The following VRK2 variants were observed in gnomAD, a reference collection of about 807,000 sequenced individuals.
The protein encoded by VRK2 is serine/threonine-protein kinase VRK2.
VRK2 carries 60 observed loss-of-function variants against 57.6 expected under a neutral mutation model. The observed-to-expected ratio is 1.04, with a 90% CI of 0.85 to 1.29. The LOEUF is 1.29. Among genes scored for constraint, VRK2 ranks in the 50% most tolerant of loss-of-function variants. VRK2 has a pLI of 0.00. For synonymous variants in VRK2, 231 were observed against 199.2 expected (o/e 1.16, Z -1.35); for missense variants, 705 against 588.1 (o/e 1.20, Z -2.06).
At chr2:57,977,909 T>A (rs748607406) in intron 1 of VRK2, among the ~76,000 whole-genome samples, 8 of 151,100 alleles carry the variant, frequency 5.3e-5, no homozygotes, top group Non-Finnish European at 8.8e-5. Flanking sequence ...ACTAGTTTGT[T>A]GAGGGTATTT....
At chr2:58,118,638 C>T (rs889541922) in intron 7 of VRK2, among the ~76,000 whole-genome samples, 7 of 152,130 alleles carry the variant, frequency 4.6e-5, no homozygotes, top group African/African-American at 1.7e-4. Flanking sequence ...GAGCAAAGAG[C>T]AGGAGGACAG....
chr2:57,990,621 T>C (rs906558308), intron 1 of VRK2, among the ~76,000 whole-genome samples: 6 of 152,176 alleles, frequency 3.9e-5, no homozygotes, highest in Admixed American at 6.5e-5. Flanking sequence ...AGTGTTACAG[T>C]AGAGCTCACA....
In VRK2 at chr2:58,105,399, T is replaced by C. The variant is rs529306692; in HGVS notation, c.543+15676T>C. Among the ~76,000 whole-genome samples, 175 of 151,814 alleles carry C rather than the reference T, an allele frequency of 1.2e-3. 1 individual carries two copies. Among genetic ancestry groups the C allele is most frequent in the African/African-American group, 4.0e-3 (164 of 41,470 alleles). ...GATGGGCAAAAGACATGAACAGATA[T>C]TGTTTAAAATAAGACATAAAAATAG... On this transcript the variant is annotated intron_variant, in intron 7 of 12. Transcript: ENST00000340157.
intron 1 of VRK2, among the ~76,000 whole-genome samples, chr2:58,008,834 A>G (rs1256261989): frequency 6.6e-6 from 1 of 152,136 alleles, no homozygotes; most frequent in Non-Finnish European, 1.5e-5. Context: ...AGAAGAACAC[A>G]GATTTATTTT....
At chr2:58,031,733 A>G (rs1572804797) in intron 2 of VRK2, among the ~76,000 whole-genome samples, 2 of 152,188 alleles carry the variant, frequency 1.3e-5, no homozygotes, top group East Asian at 1.9e-4. Context: ...TTGTTCTCAT[A>G]GCTACCTCTG....
intron 1 of VRK2, among the ~76,000 whole-genome samples, chr2:57,975,783 G>C (rs1424212379): frequency 6.7e-6 from 1 of 149,374 alleles, no homozygotes; most frequent in East Asian, 1.9e-4. Context: ...TTTTATTTTT[G>C]GTTCAGTTGG....
chr2:58,123,955 T>G (rs550857065), intron 8 of VRK2, among the ~76,000 whole-genome samples: 1 of 152,354 alleles, frequency 6.6e-6, no homozygotes, highest in South Asian at 2.1e-4. Context: ...AAGGTTATTT[T>G]TTCTGAAACC....
upstream of VRK2, among the ~76,000 whole-genome samples, chr2:58,041,997 C>G (rs1674477562): frequency 6.6e-6 from 1 of 152,046 alleles, no homozygotes; most frequent in African/African-American, 2.4e-5. Context: ...TTCTGTCTCC[C>G]TAAAACATAC....
At chr2:57,994,436 A>C (rs1672862900) in intron 1 of VRK2, among the ~76,000 whole-genome samples, 2 of 152,202 alleles carry the variant, frequency 1.3e-5, no homozygotes, top group Non-Finnish European at 2.9e-5. Context: ...TGGGGACCTA[A>C]AACATCTACT....
chr2:58,055,736 G>A (rs1043070643), intron 2 of VRK2, among the ~76,000 whole-genome samples: 2 of 152,176 alleles, frequency 1.3e-5, no homozygotes, highest in Non-Finnish European at 2.9e-5. Flanking sequence ...ATGAGCTGAT[G>A]AAGCTTCACA....
chr2:57,926,443 G>T (rs1469050449), intron 1 of VRK2, among the ~76,000 whole-genome samples: 1 of 19,874 alleles, frequency 5.0e-5, no homozygotes, highest in Non-Finnish European at 9.4e-5. Flanking sequence ...ATATATATGT[G>T]TGTGTGTGTG....
At chr2:57,939,966 ATTGTACCT>A (rs1671040036) in intron 1 of VRK2, among the ~76,000 whole-genome samples, 1 of 152,186 alleles carries the variant, frequency 6.6e-6, no homozygotes, top group African/African-American at 2.4e-5. Flanking sequence ...AGATATTGAG[ATTGTACCT>A]TTTTTAATAT....
chr2:58,131,661 G>C, intron 8 of VRK2, 147 bp from the exon 9 acceptor site: 3 of 1,012,108 alleles, frequency 3.0e-6, no homozygotes, highest in Non-Finnish European at 4.1e-6. Context: ...ATGCTTGGGC[G>C]TTTAAGTTTT....
intron 1 of VRK2, chr2:57,907,988 T>C (rs929581122): frequency 6.6e-6 from 1 of 152,134 alleles, no homozygotes; most frequent in Non-Finnish European, 1.5e-5. Context: ...CAATACAGGC[T>C]CTAAGAAACA....
At chr2:57,993,987 T>A (rs1672849726) in intron 1 of VRK2, among the ~76,000 whole-genome samples, 1 of 152,194 alleles carries the variant, frequency 6.6e-6, no homozygotes, top group Admixed American at 6.5e-5. Flanking sequence ...AGCATTAACA[T>A]AAATTACTGA....
chr2:58,139,809 GTCCATAC>G lies in VRK2; in HGVS notation c.1005_1011del (p.His335GlnfsTer23). The G allele has an allele frequency of 3.1e-6, 5 of 1,612,178 alleles. No homozygotes were observed. Among genetic ancestry groups the G allele is most frequent in the Non-Finnish European group, 4.2e-6 (5 of 1,178,976 alleles). On this transcript the variant is annotated frameshift_variant, in exon 11 of 13. Transcript: ENST00000340157. LOFTEE classifies it high-confidence loss of function. ...TTCCACAAAAGGACAGAGTATAAAT[GTCCATAC>G]TCCAAACAGTCAAAAAGTAAGTAAC...
intron 1 of VRK2, among the ~76,000 whole-genome samples, chr2:58,016,766 T>C (rs542588845): frequency 1.3e-5 from 2 of 152,340 alleles, no homozygotes; most frequent in Non-Finnish European, 2.9e-5. Context: ...GTGGAGAATA[T>C]GAAGTAGAGA....
intron 1 of VRK2, among the ~76,000 whole-genome samples, chr2:57,964,290 T>C (rs1671845092): frequency 6.6e-6 from 1 of 152,148 alleles, no homozygotes; most frequent in South Asian, 2.1e-4. Context: ...AAAATATTAT[T>C]AAGAAAATCA....
chr2:58,125,208 A>T (rs900683550), intron 8 of VRK2, among the ~76,000 whole-genome samples: 3 of 152,022 alleles, frequency 2.0e-5, no homozygotes. Flanking sequence ...GAGTAGTGGA[A>T]TTGCTAAGAA....
Sources: allele counts gnomAD v4.1 joint callset (sites outside exome capture counted in the v4.1 genomes callset), GRCh38; gene constraint gnomAD v4.1.1; transcripts MANE v1.5; gene names NCBI Gene and HGNC (gene_info 2026-07-23, HGNC 2026-07-21).